NOL4: variants seen among roughly 807,000 people sequenced by gnomAD.
NOL4 encodes nucleolar protein 4.
A neutral mutation model predicts 75.9 loss-of-function variants in NOL4; 17 were observed. The ratio of observed to expected loss-of-function variants is 0.22; its 90% CI spans 0.15 to 0.34. The LOEUF (loss-of-function observed/expected upper bound fraction) is 0.34, where lower values mean the gene tolerates loss of function less well. NOL4 is among the 10% of genes least tolerant of loss of function. The probability of loss-of-function intolerance (pLI) is 1.00; values close to 1 mark genes in which losing one functional copy is unlikely to be tolerated. For synonymous variants in NOL4, 292 were observed against 289.9 expected (o/e 1.01, Z -0.07); for missense variants, 614 against 793.5 (o/e 0.77, Z 2.72).
In NOL4 at chr18:33,943,740, T is replaced by C. The variant is rs551916545; in HGVS notation, c.1429-562A>G. Among the ~76,000 whole-genome samples, 9 of 152,062 alleles carry C rather than the reference T, an allele frequency of 5.9e-5. No individual in the cohort carries two copies. The South Asian group carries it at 1.7e-3, about 28-fold the overall frequency. The stretch of plus-strand genomic sequence containing the variant: ...TCAGTCCTACAATGATTTTTATATA[T>C]TAAAGGTTTAGTGCTTTAGATGTGA... On this transcript the variant is annotated intron_variant, in intron 8 of 10. Transcript: ENST00000261592.
intron 1 of NOL4, among the ~76,000 whole-genome samples, chr18:34,208,231 A>G (rs1174738515): frequency 6.6e-6 from 1 of 152,086 alleles, no homozygotes; most frequent in Non-Finnish European, 1.5e-5. Flanking sequence ...TCAGGGAGTT[A>G]TGTTGTATAT....
At chr18:34,083,916 C>T (rs989945667) in intron 5 of NOL4, among the ~76,000 whole-genome samples, 1 of 152,196 alleles carries the variant, frequency 6.6e-6, no homozygotes, top group Non-Finnish European at 1.5e-5. Context: ...TCAGGCCCTT[C>T]TTCCTTAGGG....
intron 10 of NOL4, among the ~76,000 whole-genome samples, chr18:33,871,234 CA>C (rs2063686341): frequency 6.6e-6 from 1 of 152,014 alleles, no homozygotes; most frequent in Non-Finnish European, 1.5e-5. Flanking sequence ...AACGAAGACA[CA>C]TTTAGCATGA....
chr18:34,094,972 G>C (rs901886655), intron 4 of NOL4, among the ~76,000 whole-genome samples: 1 of 152,110 alleles, frequency 6.6e-6, no homozygotes, highest in African/African-American at 2.4e-5. Flanking sequence ...CTTGGCATCA[G>C]CAAAGGAGTT....
At chr18:34,204,224 G>A (rs2035963313) in intron 1 of NOL4, among the ~76,000 whole-genome samples, 1 of 151,974 alleles carries the variant, frequency 6.6e-6, no homozygotes, top group South Asian at 2.1e-4. Flanking sequence ...GCAATTGGAG[G>A]AAAGTCCGTG....
chr18:34,143,735 C>T (rs931724698), intron 1 of NOL4, among the ~76,000 whole-genome samples: 9 of 151,548 alleles, frequency 5.9e-5, no homozygotes, highest in East Asian at 3.9e-4. Context: ...TGTGGTGGCA[C>T]GCACCTGTAA....
chr18:34,108,520 G>A (rs563504730), intron 2 of NOL4, among the ~76,000 whole-genome samples: 2 of 152,240 alleles, frequency 1.3e-5, no homozygotes, highest in South Asian at 4.1e-4. Context: ...CCATGCAAAT[G>A]GTAACCAAAA....
intron 2 of NOL4, among the ~76,000 whole-genome samples, chr18:34,123,514 C>T (rs1480102714): frequency 7.5e-6 from 1 of 133,390 alleles, no homozygotes; most frequent in African/African-American, 2.9e-5. Context: ...AATGAGATAT[C>T]ATTATATATG....
chr18:34,039,184 A>C (rs2076037090), intron 5 of NOL4, among the ~76,000 whole-genome samples: 1 of 152,048 alleles, frequency 6.6e-6, no homozygotes, highest in Non-Finnish European at 1.5e-5. Flanking sequence ...ACACAATAAC[A>C]AAGTAGAGAA....
chr18:33,867,560 T>G (rs942184920), intron 10 of NOL4, among the ~76,000 whole-genome samples: 1 of 152,052 alleles, frequency 6.6e-6, no homozygotes, highest in African/African-American at 2.4e-5. Flanking sequence ...TTTTGGAGGT[T>G]TTCGTCTTAT....
intron 9 of NOL4, among the ~76,000 whole-genome samples, chr18:33,916,120 T>G (rs2066707254): frequency 6.6e-6 from 1 of 151,928 alleles, no homozygotes; most frequent in East Asian, 1.9e-4. Flanking sequence ...TCAGGGAGAG[T>G]GTAAGAGTGA....
chr18:34,220,391 C>A (rs2037214907), intron 1 of NOL4, among the ~76,000 whole-genome samples: 1 of 152,154 alleles, frequency 6.6e-6, no homozygotes, highest in Non-Finnish European at 1.5e-5. Context: ...CAGCCGTGAA[C>A]CCTCAAACCT....
chr18:34,079,843 A>C (rs2077920851), intron 5 of NOL4, among the ~76,000 whole-genome samples: 1 of 152,210 alleles, frequency 6.6e-6, no homozygotes, highest in Non-Finnish European at 1.5e-5. Context: ...TGCAAGTCAA[A>C]GTCATGGTTT....
intron 9 of NOL4, among the ~76,000 whole-genome samples, chr18:33,883,933 G>A (rs1189630739): frequency 6.6e-6 from 1 of 152,078 alleles, no homozygotes; most frequent in Non-Finnish European, 1.5e-5. Context: ...AAAGTAGAAT[G>A]AGGGTTTTCA....
At chr18:33,995,469 A>C (rs970751892) in intron 6 of NOL4, among the ~76,000 whole-genome samples, 9 of 151,758 alleles carry the variant, frequency 5.9e-5, no homozygotes, top group Middle Eastern at 3.4e-3. Flanking sequence ...AAAAACTGTC[A>C]ATCATATCAA....
intron 1 of NOL4, among the ~76,000 whole-genome samples, chr18:34,191,386 A>G (rs868242297): frequency 3.4e-4 from 51 of 152,154 alleles, no homozygotes; most frequent in African/African-American, 1.2e-3. Flanking sequence ...ATTTTACTAT[A>G]ATTAACATAA....
chr18:33,924,747 A>G (rs1001614319), intron 9 of NOL4, among the ~76,000 whole-genome samples: 1 of 152,196 alleles, frequency 6.6e-6, no homozygotes, highest in Non-Finnish European at 1.5e-5. Context: ...GAATATAATT[A>G]ATTACTAAAA....
chr18:34,039,352 T>C (rs916232650), intron 5 of NOL4, among the ~76,000 whole-genome samples: 27 of 152,092 alleles, frequency 1.8e-4, no homozygotes, highest in Non-Finnish European at 2.5e-4. Context: ...GCTTTTTTTT[T>C]CCCCTGCAAA....
chr18:33,921,735 A>C (rs1459181138), intron 9 of NOL4, among the ~76,000 whole-genome samples: 1 of 152,162 alleles, frequency 6.6e-6, no homozygotes, highest in African/African-American at 2.4e-5. Flanking sequence ...ATTGTGAGAG[A>C]ATAAAATTCT....
Sources: allele counts gnomAD v4.1 joint callset (sites outside exome capture counted in the v4.1 genomes callset), GRCh38; gene constraint gnomAD v4.1.1; transcripts MANE v1.5; gene names NCBI Gene and HGNC (gene_info 2026-07-23, HGNC 2026-07-21).